RP1: variants seen among roughly 807,000 people sequenced by gnomAD.
RP1 encodes oxygen-regulated protein 1.
Under a neutral mutation model 14.8 loss-of-function variants are expected in RP1, and 16 were observed. The ratio of observed to expected loss-of-function variants is 1.08; its 90% CI spans 0.73 to 1.65. The LOEUF (loss-of-function observed/expected upper bound fraction) is 1.65. Ranked by LOEUF, RP1 falls within the 40% of genes most tolerant of loss-of-function variation. The probability of loss-of-function intolerance (pLI) is 0.00; values close to 1 mark genes in which losing one functional copy is unlikely to be tolerated. For missense variants in RP1, 2,631 were observed against 2,535.0 expected, an observed-to-expected ratio of 1.04 and a Z score of -0.81; for synonymous variants, 876 against 883.6, an observed-to-expected ratio of 0.99 and a Z score of 0.15.
At chr8:54,791,898 A>G (rs1482423830) in intron 24 of RP1, among the ~76,000 whole-genome samples, 4 of 152,108 alleles carry the variant, frequency 2.6e-5, no homozygotes, top group Non-Finnish European at 4.4e-5. Flanking sequence ...AAATTATTTG[A>G]TGAAAAGATG....
chr8:54,565,579 C>A (rs1804385451), intron 1 of RP1, among the ~76,000 whole-genome samples: 1 of 152,092 alleles, frequency 6.6e-6, no homozygotes, highest in African/African-American at 2.4e-5. Context: ...ACCCAGACAC[C>A]AGGATTGCCT....
intron 24 of RP1, among the ~76,000 whole-genome samples, chr8:54,818,747 T>C (rs1216596162): frequency 1.3e-5 from 2 of 152,204 alleles, no homozygotes; most frequent in Non-Finnish European, 2.9e-5. Flanking sequence ...GAGAGGTGAA[T>C]TACTATTTGT....
At chr8:54,695,956 G>A (rs1398590691) in intron 12 of RP1, among the ~76,000 whole-genome samples, 1 of 152,030 alleles carries the variant, frequency 6.6e-6, no homozygotes, top group Non-Finnish European at 1.5e-5. Flanking sequence ...TTTCCATTTG[G>A]AGTGGTCTAT....
intron 1 of RP1, among the ~76,000 whole-genome samples, chr8:54,584,140 T>C (rs1370598223): frequency 6.6e-6 from 1 of 152,234 alleles, no homozygotes; most frequent in Non-Finnish European, 1.5e-5. Context: ...GGGCATTTAG[T>C]GCTATAAATT....
At chr8:54,646,498 C>T (rs532993699) in intron 3 of RP1, among the ~76,000 whole-genome samples, 1 of 152,256 alleles carries the variant, frequency 6.6e-6, no homozygotes, top group South Asian at 2.1e-4. Context: ...ATCTACTCCT[C>T]CCTAGACAGT....
chr8:54,666,006 C>G (rs1276050433), intron 7 of RP1, among the ~76,000 whole-genome samples: 1 of 151,748 alleles, frequency 6.6e-6, no homozygotes, highest in African/African-American at 2.4e-5. Context: ...TCTCTGTGGT[C>G]CCTGGGGTAC....
At position 54,870,120 on chromosome 8, in the gene RP1, G is replaced by A. The variant is rs554521236; in HGVS notation, c.*178G>A. ...TTGGGAGGATGCACTGACAGCCTCC[G>A]CCAACAGCTGACCAAGATCAGCCCC... On this transcript the variant is annotated 3_prime_UTR_variant, in exon 29 of 29. Coordinates refer to the RP1 transcript ENST00000637698. 493 of 379,468 alleles carry A rather than the reference G, an allele frequency of 1.3e-3. 2 individuals are homozygous for A. Among genetic ancestry groups the A allele is most frequent in the African/African-American group, 8.5e-3 (410 of 48,252 alleles). The allele number at this position is 379,468 out of a possible 1,614,324, so 23.5% of individuals were successfully genotyped here. A position where few individuals can be genotyped will look rare whatever the true frequency, so the allele number is the denominator to read the frequency against.
intron 19 of RP1, chr8:54,754,687 T>C: frequency 9.6e-7 from 1 of 1,044,998 alleles, no homozygotes; most frequent in Non-Finnish European, 1.3e-6. Flanking sequence ...ATCACCGCTA[T>C]CACCATCATC....
chr8:54,652,516 C>T (rs1290147972), intron 4 of RP1, among the ~76,000 whole-genome samples: 2 of 151,922 alleles, frequency 1.3e-5, no homozygotes, highest in Non-Finnish European at 2.9e-5. Context: ...TTTTCTTATT[C>T]TTTTCTCTAC....
chr8:54,646,307 C>T (rs190840707), intron 3 of RP1, among the ~76,000 whole-genome samples: 2 of 151,980 alleles, frequency 1.3e-5, no homozygotes, highest in East Asian at 3.9e-4. Context: ...CCCCCTCCCC[C>T]TCTTTTCTGT....
rs570009919 is a variant in RP1 at position 54,581,801 on chromosome 8, C to T, written c.-13+22481C>T. Reference sequence around the variant, plus strand: ...ATGTGTCTTTTGGCTGCATAAATGTCTTCTTTTGAGAAGTGTCTGTTCATA... The same window carrying T: ...ATGTGTCTTTTGGCTGCATAAATGTTTTCTTTTGAGAAGTGTCTGTTCATA... On this transcript the variant is annotated intron_variant, in intron 1 of 22. Coordinates refer to the RP1 transcript ENST00000636932. 2.2e-3 allele frequency among the ~76,000 whole-genome samples: 337 copies of T among 152,272 alleles called. 1 individual carries two copies. Among genetic ancestry groups the T allele is most frequent in the African/African-American group, 7.5e-3 (313 of 41,546 alleles).
upstream of RP1, among the ~76,000 whole-genome samples, chr8:54,615,858 A>G (rs566273330): frequency 2.8e-4 from 42 of 152,342 alleles, no homozygotes; most frequent in Middle Eastern, 3.4e-3. Context: ...TGGGAGAGAA[A>G]TGCTTGTGTA....
intron 1 of RP1, among the ~76,000 whole-genome samples, chr8:54,589,251 A>T (rs1804993593): frequency 6.6e-6 from 1 of 152,182 alleles, no homozygotes; most frequent in Admixed American, 6.5e-5. Flanking sequence ...GTGTTAGGTT[A>T]TAAAATCACC....
chr8:54,725,133 A>G (rs1461556817), intron 16 of RP1, among the ~76,000 whole-genome samples: 1 of 152,196 alleles, frequency 6.6e-6, no homozygotes, highest in Non-Finnish European at 1.5e-5. Context: ...CTCATGCTAT[A>G]CAGTGACTGG....
At chr8:54,720,336 T>C (rs887810790) in intron 16 of RP1, 9 of 1,522,838 alleles carry the variant, frequency 5.9e-6, no homozygotes, top group Non-Finnish European at 7.0e-6. Context: ...CTTTGATTTT[T>C]GGTTTGCTTT....
chr8:54,731,257 A>G (rs1248231087), intron 17 of RP1, among the ~76,000 whole-genome samples: 1 of 152,174 alleles, frequency 6.6e-6, no homozygotes, highest in Non-Finnish European at 1.5e-5. Context: ...GGTCTGAGTC[A>G]ACCTGATTGG....
chr8:54,861,448 C>A (rs185017120), intron 27 of RP1, among the ~76,000 whole-genome samples: 1 of 152,304 alleles, frequency 6.6e-6, no homozygotes, highest in African/African-American at 2.4e-5. Context: ...GATCTACCCA[C>A]TTTCATGTGT....
chr8:54,786,193 TG>T (rs1810313866), intron 24 of RP1, among the ~76,000 whole-genome samples: 1 of 152,076 alleles, frequency 6.6e-6, no homozygotes, highest in Non-Finnish European at 1.5e-5. Context: ...CTGCTAGTGA[TG>T]AATTCTCTAT....
At chr8:54,776,382 G>A (rs572679315) in intron 23 of RP1, among the ~76,000 whole-genome samples, 3 of 152,290 alleles carry the variant, frequency 2.0e-5, no homozygotes, top group East Asian at 3.9e-4. Flanking sequence ...AAAAGAAATT[G>A]TAGAGACAAG....
Sources: allele counts gnomAD v4.1 joint callset (sites outside exome capture counted in the v4.1 genomes callset), GRCh38; gene constraint gnomAD v4.1.1; transcripts MANE v1.5; gene names NCBI Gene and HGNC (gene_info 2026-07-23, HGNC 2026-07-21).